Variants in LRIT3 observed in about 807,000 individuals in gnomAD.
The protein encoded by LRIT3 is leucine-rich repeat, immunoglobulin-like domain and transmembrane domain-containing protein 3.
Under a neutral mutation model 22.6 loss-of-function variants are expected in LRIT3, and 14 were observed. The ratio of observed to expected loss-of-function variants is 0.62; its 90% CI spans 0.41 to 0.97. The LOEUF is 0.97. Ranked by LOEUF, LRIT3 falls within the 50% of genes least tolerant of loss-of-function variation. The probability of loss-of-function intolerance (pLI) is 0.00; values close to 1 mark genes in which losing one functional copy is unlikely to be tolerated. For synonymous variants in LRIT3, 306 were observed against 304.5 expected, an observed-to-expected ratio of 1.01 and a Z score of -0.05; for missense variants, 783 against 803.0, an observed-to-expected ratio of 0.98 and a Z score of 0.30.
chr4:109,868,089 T>A (rs1196066741), intron 3 of LRIT3, 143 bp downstream of exon 3: 7 of 838,034 alleles, frequency 8.4e-6, no homozygotes, highest in African/African-American at 1.7e-5. Flanking sequence ...TAAAGGTACA[T>A]TTTATTCATT....
Position 109,851,579 on chromosome 4 carries a change from A to C in LRIT3, c.192A>C (p.Ile64=), listed in dbSNP as rs1309338206. The change falls in exon 2 of 4, where the codon ATA becomes ATC. Residue 64 remains isoleucine (I), a synonymous_variant. Transcript: ENST00000594814. ...NLPVDTVKLR[I]EKTVIRRISA... ...CCGTGGACACTGTGAAGCTTCGCAT[A>C]GAGAAGACTGTCATCCGCAGAATCT... 1 of 1,551,936 alleles carries C rather than the reference A, an allele frequency of 6.4e-7. No homozygotes were observed. The highest frequency in any genetic ancestry group is 2.0e-5 in the Admixed American group (1 of 51,012).
intron 1 of LRIT3, among the ~76,000 whole-genome samples, chr4:109,850,422 C>CCTTCCTTCTTTCTTTCTTCCTTCCTTT (rs66553123): frequency 3.6e-5 from 2 of 55,088 alleles, no homozygotes; most frequent in Non-Finnish European, 7.0e-5. Context: ...TTCCTTCCTT[C>CCTTCCTTCTTTCTTTCTTCCTTCCTTT]CTTTCTTTCT....
chr4:109,865,412 G>C (rs1241876180), intron 2 of LRIT3: 1 of 958,892 alleles, frequency 1.0e-6, no homozygotes, highest in Admixed American at 2.1e-5. Context: ...ATGGGTTTTT[G>C]AATGTCTATG....
chr4:109,852,011 GT>G, intron 2 of LRIT3, 35 bp downstream of exon 2: 1 of 1,481,072 alleles, frequency 6.8e-7, no homozygotes, highest in East Asian at 2.5e-5. Context: ...TTCATCTATA[GT>G]TACTTTGCTA....
chr4:109,851,574 C>A lies in LRIT3; in HGVS notation c.187C>A (p.Arg63Ser). 1 of 1,551,910 alleles carries A rather than the reference C, an allele frequency of 6.4e-7. No homozygotes were observed. Among genetic ancestry groups the A allele is most frequent in the Non-Finnish European group, 8.7e-7 (1 of 1,147,036 alleles). ...CCTCCCCGTGGACACTGTGAAGCTTCGCATAGAGAAGACTGTCATCCGCAG... is the reference window on the plus strand; with the variant it reads ...CCTCCCCGTGGACACTGTGAAGCTTAGCATAGAGAAGACTGTCATCCGCAG... The part of the protein sequence containing the change: ...TNLPVDTVKL[R>S]IEKTVIRRIS... The change falls in exon 2 of 4, where the codon CGC becomes AGC. Residue 63 changes from arginine to serine, a missense_variant. By Grantham distance (110) the Arg-to-Ser change is moderately radical. Transcript: ENST00000594814.
rs979342750 is a variant in LRIT3, at chr4:109,869,751, T to C, written c.1002T>C (p.Ala334=). The change falls in exon 4 of 4, where the codon GCT becomes GCC. Residue 334 remains alanine (A), a synonymous_variant. Transcript: ENST00000594814. ...GDYKCKAKNL[A]GMSEAVVTVT... is the part of the protein sequence containing the mutation. ...ACAAATGTAAGGCCAAAAATCTGGCTGGGATGTCAGAAGCTGTGGTTACTG... is the reference window on the plus strand; with the variant it reads ...ACAAATGTAAGGCCAAAAATCTGGCCGGGATGTCAGAAGCTGTGGTTACTG... 6 of 1,613,730 alleles carry C rather than the reference T, an allele frequency of 3.7e-6. No homozygotes were observed. The highest frequency in any genetic ancestry group is 4.2e-6 in the Non-Finnish European group (5 of 1,179,680).
intron 2 of LRIT3, among the ~76,000 whole-genome samples, chr4:109,865,615 CAG>C (rs1306826373): frequency 1.3e-5 from 2 of 152,092 alleles, no homozygotes; most frequent in Non-Finnish European, 2.9e-5. Context: ...GTTACTTATT[CAG>C]AGATTGAAAT....
At chr4:109,856,997 A>G (rs1014795192) in intron 2 of LRIT3, among the ~76,000 whole-genome samples, 2 of 152,278 alleles carry the variant, frequency 1.3e-5, no homozygotes, top group African/African-American at 4.8e-5. Context: ...TCGATAGAAG[A>G]GGAAGATTTC....
intron 2 of LRIT3, among the ~76,000 whole-genome samples, chr4:109,859,075 G>A (rs561110787): frequency 8.5e-5 from 13 of 152,220 alleles, no homozygotes; most frequent in Admixed American, 2.0e-4. Flanking sequence ...CAGATATTGC[G>A]GGATCTGGCC....
chr4:109,870,413 G>A lies in LRIT3; in HGVS notation c.1664G>A (p.Cys555Tyr), dbSNP rs1364095838. 1.9e-6 allele frequency: 3 copies of A among 1,614,158 alleles called. No individual in the cohort carries two copies. Among genetic ancestry groups the A allele is most frequent in the South Asian group, 2.2e-5 (2 of 91,072 alleles). ...GGTGGGCAATACATGGCCTGTGTCT[G>A]TCCAAAAGGAGTGCCTCCCCAGAAA... ...EPGGQYMACV[C>Y]PKGVPPQKDQ... Residue 555 changes from cysteine (C) to tyrosine (Y), a missense_variant, in exon 4 of 4, where the codon TGT (cysteine) becomes TAT (tyrosine). By Grantham distance (194) the Cys-to-Tyr change is radical. Coordinates refer to ENST00000594814, the MANE Select transcript of LRIT3 (RefSeq NM_198506.5).
chr4:109,865,997 G>T (rs1734669569), intron 2 of LRIT3, among the ~76,000 whole-genome samples: 1 of 152,010 alleles, frequency 6.6e-6, no homozygotes, highest in African/African-American at 2.4e-5. Context: ...AGATTAACAA[G>T]ATTAAATATA....
At chr4:109,869,103 G>A (rs945333089) in intron 3 of LRIT3, among the ~76,000 whole-genome samples, 17 of 152,118 alleles carry the variant, frequency 1.1e-4, no homozygotes, top group South Asian at 4.2e-4. Flanking sequence ...TAAATTATTC[G>A]GAATACAAAT....
intron 2 of LRIT3, 38 bp from the exon 3 acceptor site, chr4:109,867,603 G>A: frequency 6.3e-7 from 1 of 1,582,030 alleles, no homozygotes. Flanking sequence ...GAAGTCATCA[G>A]AATAATCTTT....
chr4:109,850,651 A>C (rs1179934981), intron 1 of LRIT3, among the ~76,000 whole-genome samples: 1 of 151,006 alleles, frequency 6.6e-6, no homozygotes, highest in Admixed American at 6.6e-5. Flanking sequence ...TAATTTTTGT[A>C]TTTTTAGTGG....
rs1423536115 is a variant in LRIT3, at chr4:109,870,678, G to T, written c.1929G>T (p.Trp643Cys). 1.9e-6 allele frequency: 3 copies of T among 1,614,108 alleles called. No homozygotes were observed. Among genetic ancestry groups the T allele is most frequent in the South Asian group, 2.2e-5 (2 of 91,064 alleles). The change falls in exon 4 of 4, where the codon TGG becomes TGT. Residue 643 changes from tryptophan to cysteine, a missense_variant. Around this residue, in one of 2 missense-constraint regions of LRIT3, gnomAD observed 756 missense variants for 753.8 expected, o/e 1.00. Transcript: ENST00000594814. ...FPRSQSVGEL[W>C]TRSHRDDSEK... ...GGTCTCAAAGTGTAGGTGAGCTCTG[G>T]ACACGAAGCCACAGGGATGACTCAG...
At chr4:109,866,769 C>G (rs1395819992) in intron 2 of LRIT3, among the ~76,000 whole-genome samples, 1 of 152,188 alleles carries the variant, frequency 6.6e-6, no homozygotes, top group Non-Finnish European at 1.5e-5. Flanking sequence ...CACTTTTCTT[C>G]AAGCCCTCAC....
At chr4:109,861,033 T>C (rs762300359) in intron 2 of LRIT3, among the ~76,000 whole-genome samples, 3 of 152,230 alleles carry the variant, frequency 2.0e-5, no homozygotes, top group Non-Finnish European at 2.9e-5. Flanking sequence ...TTTCATTTCA[T>C]TATCTTGGAT....
chr4:109,869,283 G>A (rs1016526412), intron 3 of LRIT3, among the ~76,000 whole-genome samples: 2 of 152,036 alleles, frequency 1.3e-5, no homozygotes, highest in African/African-American at 2.4e-5. Context: ...AGATTACTTC[G>A]TCTCATCCTC....
In LRIT3 at chr4:109,865,160, C is replaced by G; in HGVS notation, c.590-2481C>G. On this transcript the variant is annotated intron_variant, in intron 2 of 3. Transcript: ENST00000594814. ...GGCTGTAAAAAGCTCTAGCATTTAT[C>G]TAGTCAACTCTCCCATTTTGCCGAT... is the stretch of plus-strand genomic sequence containing the variant. 5 of 1,452,458 alleles carry G rather than the reference C, an allele frequency of 3.4e-6. No homozygotes were observed. In the Admixed American group the frequency reaches 8.5e-5, roughly 25 times the overall value. 90.0% of individuals were successfully genotyped at this position (1,452,458 alleles called of 1,614,324 possible).
Sources: gnomAD v4.1 joint callset for allele counts (sites outside exome capture counted in the v4.1 genomes callset) on GRCh38, gnomAD v4.1.1 for gene constraint, gnomAD v4.1.1 regional missense constraint, MANE v1.5 for transcripts, NCBI Gene and HGNC (gene_info 2026-07-23, HGNC 2026-07-21) for gene names.